The following VPS13C variants were observed in gnomAD, a reference collection of about 807,000 sequenced individuals.
VPS13C encodes vacuolar protein sorting 13 homolog C, also known as intermembrane lipid transfer protein VPS13C.
Under a neutral mutation model 456.8 loss-of-function variants are expected in VPS13C, and 358 were observed. The ratio of observed to expected loss-of-function variants is 0.78; its 90% CI spans 0.72 to 0.86. The LOEUF (loss-of-function observed/expected upper bound fraction) is 0.86, where lower values mean the gene tolerates loss of function less well. Ranked by LOEUF, VPS13C falls within the 40% of genes least tolerant of loss-of-function variation. VPS13C has a pLI of 0.00. For synonymous variants in VPS13C, 1,578 were observed against 1,486.7 expected (o/e 1.06, Z -1.41); for missense variants, 4,818 against 4,385.4 (o/e 1.10, Z -2.79).
At chr15:61,974,498 T>C in intron 24 of VPS13C, 81 bp from the exon 25 acceptor site, 4 of 1,441,446 alleles carry the variant, frequency 2.8e-6, no homozygotes, top group Non-Finnish European at 3.8e-6. Context: ...GTAATTAGAT[T>C]AAAACATGCC....
intron 13 of VPS13C, among the ~76,000 whole-genome samples, chr15:62,009,245 C>A (rs1302489192): frequency 1.3e-5 from 2 of 151,884 alleles, no homozygotes; most frequent in Non-Finnish European, 2.9e-5. Flanking sequence ...ACCAAAGCAA[C>A]ATAAAGCTAT....
intron 16 of VPS13C, among the ~76,000 whole-genome samples, chr15:61,996,321 T>A (rs1276619467): frequency 2.6e-5 from 4 of 152,050 alleles, no homozygotes; most frequent in Non-Finnish European, 4.4e-5. Flanking sequence ...TGAACCACCA[T>A]CCACAGAAGG....
chr15:62,007,599 A>G lies in VPS13C; in HGVS notation c.1119-120T>C, dbSNP rs2046896673. ...TTTTGTTCTTCTTAACTGTCTTCCT[A>G]TAAGAGCTCAGCAATTCCCAGTAAA... On this transcript the variant is annotated intron_variant, in intron 14 of 84. Coordinates refer to ENST00000644861, the MANE Select transcript of VPS13C (RefSeq NM_020821.3). The G allele has an allele frequency of 3.8e-5, 30 of 798,888 alleles. 2 individuals carry two copies. The South Asian group carries it at 7.4e-4, about 20-fold the overall frequency. The allele number at this position is 798,888 out of a possible 1,614,324, so 49.5% of individuals were successfully genotyped here.
chr15:62,033,075 C>G (rs1386733971), intron 5 of VPS13C, among the ~76,000 whole-genome samples: 1 of 151,488 alleles, frequency 6.6e-6, no homozygotes, highest in African/African-American at 2.4e-5. Context: ...TAGCATTATG[C>G]TTAACCTCAT....
intron 1 of VPS13C, among the ~76,000 whole-genome samples, chr15:62,050,115 C>T (rs1276175041): frequency 2.0e-5 from 3 of 152,096 alleles, no homozygotes; most frequent in Non-Finnish European, 2.9e-5. Flanking sequence ...GCCTAATTGC[C>T]CTGGCCAGAA....
rs371763994 is a variant in VPS13C at position 61,907,334 on chromosome 15, G to T, written c.9035C>A (p.Ala3012Glu). Residue 3012 changes from alanine (A) to glutamate (E), a missense_variant, in exon 66 of 85, where the codon GCA becomes GAA. Transcript: ENST00000644861. Reference sequence around the variant, plus strand: ...AAGTTTTCTGGTACCAGTAGGATCTGCCCAGGCAAAAAGTCGAGCCTGTCT... The same window carrying T: ...AAGTTTTCTGGTACCAGTAGGATCTTCCCAGGCAAAAAGTCGAGCCTGTCT... ...LPRQARLFAW[A>E]DPTGTRKLTW... is the part of the protein sequence containing the mutation. The T allele has an allele frequency of 1.9e-6, 3 of 1,613,988 alleles. No homozygotes were observed. The highest frequency in any genetic ancestry group is 8.5e-7 in the Non-Finnish European group (1 of 1,179,888).
chr15:61,976,090 A>T (rs28758709), intron 24 of VPS13C, among the ~76,000 whole-genome samples: 1 of 151,990 alleles, frequency 6.6e-6, no homozygotes, highest in East Asian at 1.9e-4. Flanking sequence ...TTAAGAACTT[A>T]TGTGCAGAAT....
chr15:61,984,618 T>A (rs1333645053), intron 19 of VPS13C, among the ~76,000 whole-genome samples: 1 of 152,162 alleles, frequency 6.6e-6, no homozygotes, highest in Non-Finnish European at 1.5e-5. Context: ...ATTGAGCCTA[T>A]AAATTAAATA....
rs1442549872 is a variant in VPS13C at position 62,041,320 on chromosome 15, T to C, written c.187+4A>G. The C allele has an allele frequency of 2.5e-6, 4 of 1,606,490 alleles. No homozygotes were observed. The Admixed American group carries it at 6.9e-5, about 28-fold the overall frequency. ...ATAATTCAAATGAAGACTAAAGTAC[T>C]TACCAATTTGGCCAGCCTTGACTTT... On this transcript the variant is annotated splice_donor_region_variant and intron_variant, in intron 3 of 84. Transcript: ENST00000644861.
In VPS13C at chr15:61,854,055, A is replaced by AC. The variant is rs1555405892; in HGVS notation, c.*401dup. 31 of 171,220 alleles carry AC rather than the reference A, an allele frequency of 1.8e-4. No homozygotes were observed. The highest frequency in any genetic ancestry group is 6.0e-4 in the East Asian group (4 of 6,686). The allele number at this position is 171,220 out of a possible 1,614,324, so 10.6% of individuals were successfully genotyped here. On this transcript the variant is annotated 3_prime_UTR_variant, in exon 85 of 85. Coordinates refer to ENST00000644861, the MANE Select transcript of VPS13C (RefSeq NM_020821.3). ...AGACTCGGTCTCAAAAAAAAAAAAA[A>AC]CCCCAAAAAAACAAAAATAAAAAAA...
At position 62,004,785 on chromosome 15, in the gene VPS13C, A is replaced by G. The variant is rs543505143; in HGVS notation, c.1290+2523T>C. ...GCCTTCATTTCGTTATGTACCCAGT[A>G]GTCATTCAGGAGCAGGTTGTTCAGT... On this transcript the variant is annotated intron_variant, in intron 15 of 84. Transcript: ENST00000644861. Among the ~76,000 whole-genome samples, 8 of 151,236 alleles carry G rather than the reference A, an allele frequency of 5.3e-5. No homozygotes were observed. In the South Asian group the frequency reaches 1.7e-3, roughly 32 times the overall value.
At position 61,964,789 on chromosome 15, in the gene VPS13C, T is replaced by C. The variant is rs947906734; in HGVS notation, c.3124A>G (p.Ile1042Val). 1.2e-6 allele frequency: 2 copies of C among 1,612,680 alleles called. No individual in the cohort carries two copies. Among genetic ancestry groups the C allele is most frequent in the South Asian group, 1.1e-5 (1 of 90,912 alleles). ...LVASINYLTT[I>V]IPSDDQSISV... is the part of the protein sequence containing the mutation. Reference sequence around the variant, plus strand: ...ATGCTTTGATCATCAGATGGAATAATGGTTGTGAGGTAATTAATAGAAGCG... The same window carrying C: ...ATGCTTTGATCATCAGATGGAATAACGGTTGTGAGGTAATTAATAGAAGCG... The change falls in exon 31 of 85, where the codon ATT becomes GTT. Residue 1042 changes from isoleucine (I) to valine (V), a missense_variant. Transcript: ENST00000644861.
intron 21 of VPS13C, 137 bp from the exon 22 acceptor site, chr15:61,981,615 C>T: frequency 1.3e-6 from 1 of 779,988 alleles, no homozygotes; most frequent in Non-Finnish European, 1.8e-6. Context: ...CATCCCAGCA[C>T]TTTGGGAGGC....
intron 27 of VPS13C, among the ~76,000 whole-genome samples, chr15:61,970,252 G>A (rs1204184160): frequency 6.6e-6 from 1 of 152,146 alleles, no homozygotes; most frequent in East Asian, 1.9e-4. Context: ...CCAGCTTGAG[G>A]CTTCAGATGA....
At chr15:61,855,497 C>T (rs190114279) in intron 83 of VPS13C, among the ~76,000 whole-genome samples, 127 of 152,188 alleles carry the variant, frequency 8.3e-4, no homozygotes, top group African/African-American at 2.4e-3. Context: ...TAGGGTAACA[C>T]GGTGTTTCCT....
chr15:61,855,060 G>A, intron 83 of VPS13C, 106 bp from the exon 84 acceptor site: 3 of 865,208 alleles, frequency 3.5e-6, no homozygotes, highest in Non-Finnish European at 5.2e-6. Context: ...ATAACAAGTA[G>A]GCTAACCAAA....
In VPS13C at chr15:61,920,605, C is replaced by G; in HGVS notation, c.7105G>C (p.Asp2369His). ...ATTTGTGGCTCAGGAATAAAATCATCTCCTGGCAGCAAACTTTTATCCTGA... is the reference window on the plus strand; with the variant it reads ...ATTTGTGGCTCAGGAATAAAATCATGTCCTGGCAGCAAACTTTTATCCTGA... Reference protein sequence around the residue: ...PVQDKSLLPGDDFIPEPQMAI... With the variant: ...PVQDKSLLPGHDFIPEPQMAI... The change falls in exon 56 of 85, where the codon GAT (aspartate) becomes CAT (histidine). Residue 2369 changes from aspartate to histidine, a missense_variant. This residue lies in a region of VPS13C where 4,552 missense variants were observed against 4,130.6 expected (regional missense o/e 1.10). Transcript: ENST00000644861. 6.3e-7 allele frequency: 1 copy of G among 1,593,072 alleles called. No homozygotes were observed. Among genetic ancestry groups the G allele is most frequent in the Non-Finnish European group, 8.5e-7 (1 of 1,174,500 alleles).
chr15:61,967,367 C>A lies in VPS13C; in HGVS notation c.2991+1G>T, dbSNP rs781426095. ...ATATATAATCATTCTATAGCCCTTA[C>A]CTTAATATACTCCACTTTCAAAAGA... is the stretch of plus-strand genomic sequence containing the variant. On this transcript the variant is annotated splice_donor_variant, in intron 29 of 84. Coordinates refer to ENST00000644861, the MANE Select transcript of VPS13C (RefSeq NM_020821.3). LOFTEE classifies it high-confidence loss of function. 1.2e-6 allele frequency: 2 copies of A among 1,602,346 alleles called. No homozygotes were observed. The highest frequency in any genetic ancestry group is 1.7e-6 in the Non-Finnish European group (2 of 1,173,384).
At chr15:61,861,773 T>C (rs1797336661) in intron 82 of VPS13C, among the ~76,000 whole-genome samples, 2 of 152,188 alleles carry the variant, frequency 1.3e-5, no homozygotes, top group African/African-American at 2.4e-5. Context: ...ACCATAATGA[T>C]AACTACCTCA....
Sources: allele counts gnomAD v4.1 joint callset (sites outside exome capture counted in the v4.1 genomes callset), GRCh38; gene constraint gnomAD v4.1.1; regional missense constraint gnomAD v4.1.1; transcripts MANE v1.5; gene names NCBI Gene and HGNC (gene_info 2026-07-23, HGNC 2026-07-21).